TNKS2: variants seen among roughly 807,000 people sequenced by gnomAD.
The protein encoded by TNKS2 is tankyrase 2.
Under a neutral mutation model 137.6 loss-of-function variants are expected in TNKS2, and 72 were observed. The observed-to-expected ratio is 0.52, with a 90% CI of 0.43 to 0.64. The LOEUF (loss-of-function observed/expected upper bound fraction) is 0.64, where lower values mean the gene tolerates loss of function less well. Ranked by LOEUF, TNKS2 falls within the 30% of genes least tolerant of loss-of-function variation. The pLI is 0.00. For missense variants in TNKS2, 1,049 were observed against 1,410.2 expected (o/e 0.74, Z 4.10); for synonymous variants, 516 against 512.1 (o/e 1.01, Z -0.10).
chr10:91,832,397 G>A (rs1184025781), intron 11 of TNKS2, among the ~76,000 whole-genome samples: 4 of 151,836 alleles, frequency 2.6e-5, no homozygotes, highest in African/African-American at 9.7e-5. Flanking sequence ...GACTTTCAGT[G>A]CTAAAACCAG....
rs145689481 is a variant in TNKS2 at position 91,819,539 on chromosome 10, C to T, written c.615C>T (p.His205=). 5.8e-5 allele frequency: 92 copies of T among 1,593,716 alleles called. No individual in the cohort carries two copies. The African/African-American group carries it at 1.0e-3, about 18-fold the overall frequency. Residue 205 remains histidine, a synonymous_variant, in exon 5 of 27, where the codon CAC becomes CAT. Coordinates refer to ENST00000371627, the MANE Select transcript of TNKS2 (RefSeq NM_025235.4). Reference sequence around the variant, plus strand: ...TCACACCATTAAATGTCAACTGCCACGCAAGTGATGGCAGAAAGGTACTTC... The same window carrying T: ...TCACACCATTAAATGTCAACTGCCATGCAAGTGATGGCAGAAAGGTACTTC... ...ALLTPLNVNC[H]ASDGRKSTPL...
In TNKS2 at chr10:91,798,768, A is replaced by C. The variant is rs1844053560; in HGVS notation, c.78A>C (p.Arg26=). Residue 26 remains arginine (R), a synonymous_variant, in exon 1 of 27, where the codon CGA becomes CGC. Coordinates refer to ENST00000371627, the MANE Select transcript of TNKS2 (RefSeq NM_025235.4). The stretch of plus-strand genomic sequence containing the variant: ...CCGAGGCCGTGGAGCCGGCCGCCCG[A>C]GAGCTGTTCGAGGCGTGCCGCAACG... ...AAAEAVEPAA[R]ELFEACRNGD... The C allele has an allele frequency of 7.9e-7, 1 of 1,267,534 alleles. No individual in the cohort carries two copies. Among genetic ancestry groups the C allele is most frequent in the Admixed American group, 4.1e-5 (1 of 24,258 alleles). 78.5% of individuals were successfully genotyped at this position (1,267,534 alleles called of 1,614,324 possible).
chr10:91,856,758 G>A (rs1051751026), intron 23 of TNKS2, among the ~76,000 whole-genome samples: 1 of 152,072 alleles, frequency 6.6e-6, no homozygotes, highest in African/African-American at 2.4e-5. Flanking sequence ...GATTACATCT[G>A]TGGCAATATT....
At chr10:91,831,806 G>A (rs541306960) in intron 11 of TNKS2, among the ~76,000 whole-genome samples, 1 of 152,284 alleles carries the variant, frequency 6.6e-6, no homozygotes, top group African/African-American at 2.4e-5. Context: ...CAGATTGGAA[G>A]AGATGACAGT....
chr10:91,809,071 A>G (rs1033318040), intron 1 of TNKS2, among the ~76,000 whole-genome samples: 3 of 152,196 alleles, frequency 2.0e-5, no homozygotes, highest in African/African-American at 7.2e-5. Flanking sequence ...GATACTCCCA[A>G]TCAAGAAAAT....
Position 91,837,688 on chromosome 10 carries a change from C to T in TNKS2, c.1527+690C>T, listed in dbSNP as rs528809003. ...CAGCCTGGCCAACATGGCGAAACCCCGTCTCTACTAAAGACACAAAAATTA... is the reference window on the plus strand; with the variant it reads ...CAGCCTGGCCAACATGGCGAAACCCTGTCTCTACTAAAGACACAAAAATTA... On this transcript the variant is annotated intron_variant, in intron 13 of 26. Coordinates refer to ENST00000371627, the MANE Select transcript of TNKS2 (RefSeq NM_025235.4). Among the ~76,000 whole-genome samples the T allele has an allele frequency of 7.9e-5, 12 of 152,304 alleles. 1 individual carries two copies. The South Asian group carries it at 2.1e-3, about 26-fold the overall frequency.
Position 91,818,100 on chromosome 10 carries a change from A to G in TNKS2, c.520+871A>G, listed in dbSNP as rs145495113. Reference sequence around the variant, plus strand: ...GTGTGCACTGTTATTGTGACTATCAATCAGTGTTCATTTTCTCCTTCACTA... The same window carrying G: ...GTGTGCACTGTTATTGTGACTATCAGTCAGTGTTCATTTTCTCCTTCACTA... On this transcript the variant is annotated intron_variant, in intron 3 of 26. Transcript: ENST00000371627. Among the ~76,000 whole-genome samples the G allele has an allele frequency of 3.9e-3, 587 of 152,324 alleles. 3 individuals carry two copies. Among genetic ancestry groups the G allele is most frequent in the Non-Finnish European group, 6.0e-3 (408 of 68,020 alleles).
intron 18 of TNKS2, among the ~76,000 whole-genome samples, chr10:91,846,919 A>G (rs955833217): frequency 6.6e-6 from 1 of 152,260 alleles, no homozygotes; most frequent in Non-Finnish European, 1.5e-5. Context: ...CAGGGGCTTT[A>G]GAGTCAGACA....
intron 17 of TNKS2, among the ~76,000 whole-genome samples, chr10:91,845,478 GAAT>G (rs1842342257): frequency 6.6e-6 from 1 of 152,174 alleles, no homozygotes; most frequent in Non-Finnish European, 1.5e-5. Flanking sequence ...TATAACATTT[GAAT>G]AAATTAGAAA....
At chr10:91,842,145 C>CTTT in intron 15 of TNKS2, 27 bp from the exon 16 acceptor site, 2 of 1,550,454 alleles carry the variant, frequency 1.3e-6, no homozygotes, top group Admixed American at 1.7e-5. Flanking sequence ...CCATTTCCCC[C>CTTT]TTTTTTTCTG....
intron 1 of TNKS2, among the ~76,000 whole-genome samples, chr10:91,810,145 G>A (rs1844450376): frequency 1.3e-5 from 2 of 152,128 alleles, no homozygotes; most frequent in Admixed American, 1.3e-4. Context: ...CACTTTGGGA[G>A]GCTGAGGATT....
At position 91,828,320 on chromosome 10, in the gene TNKS2, C is replaced by T. The variant is rs1335464960; in HGVS notation, c.1018C>T (p.Arg340Ter). 1.2e-6 allele frequency: 2 copies of T among 1,604,240 alleles called. No homozygotes were observed. Residue 340 changes from arginine to a stop codon, truncating the protein, a stop_gained, in exon 9 of 27, where the codon CGA (arginine) becomes TGA (stop). Coordinates refer to ENST00000371627, the MANE Select transcript of TNKS2 (RefSeq NM_025235.4). LOFTEE classifies it high-confidence loss of function. Reference protein sequence around the residue: ...FKGHSLLQAAREADVTRIKKH... With the variant: ...FKGHSLLQAA ...AGGCCACTCGTTGCTGCAAGCTGCACGAGAAGCTGATGTTACTCGAATCAA... is the reference window on the plus strand; with the variant it reads ...AGGCCACTCGTTGCTGCAAGCTGCATGAGAAGCTGATGTTACTCGAATCAA...
chr10:91,806,430 G>C (rs1844328292), intron 1 of TNKS2, among the ~76,000 whole-genome samples: 1 of 152,150 alleles, frequency 6.6e-6, no homozygotes, highest in African/African-American at 2.4e-5. Flanking sequence ...TGGAAAATAT[G>C]TAGTAAATAT....
chr10:91,835,571 G>A (rs1371169377), intron 12 of TNKS2, among the ~76,000 whole-genome samples: 1 of 141,102 alleles, frequency 7.1e-6, no homozygotes, highest in Non-Finnish European at 1.5e-5. Flanking sequence ...TTACAGGCAT[G>A]AGCCACCATG....
At position 91,842,215 on chromosome 10, in the gene TNKS2, C is replaced by T; in HGVS notation, c.1883C>T (p.Pro628Leu). The T allele has an allele frequency of 1.2e-6, 2 of 1,613,952 alleles. No individual in the cohort carries two copies. The highest frequency in any genetic ancestry group is 1.7e-6 in the Non-Finnish European group (2 of 1,179,968). Residue 628 changes from proline (P) to leucine (L), a missense_variant, in exon 16 of 27, where the codon CCT becomes CTT. Around this residue, in one of 6 missense-constraint regions of TNKS2, gnomAD observed 328 missense variants for 436.0 expected, o/e 0.75. Coordinates refer to ENST00000371627, the MANE Select transcript of TNKS2 (RefSeq NM_025235.4). ...PTKKNRDGNTPLDLVKDGDTD... is the reference protein window; with the variant it reads ...PTKKNRDGNTLLDLVKDGDTD... ...AAAAAAAACAGGGATGGAAATACTC[C>T]TTTGGATCTTGTTAAAGATGGAGAT...
chr10:91,819,343 T>A (rs1564609804), intron 4 of TNKS2, 37 bp downstream of exon 4: 5 of 1,434,580 alleles, frequency 3.5e-6, no homozygotes, highest in Non-Finnish European at 4.6e-6. Flanking sequence ...ACAGGAATAC[T>A]TCACCATTAA....
chr10:91,798,751 G>T lies in TNKS2; in HGVS notation c.61G>T (p.Val21Leu). The part of the protein sequence containing the change: ...AACASAAAEA[V>L]EPAARELFEA... ...CTGCGCGAGCGCCGCGGCCGAGGCC[G>T]TGGAGCCGGCCGCCCGAGAGCTGTT... Residue 21 changes from valine (V) to leucine (L), a missense_variant, in exon 1 of 27, where the codon GTG becomes TTG. Transcript: ENST00000371627. 8.0e-7 allele frequency: 1 copy of T among 1,251,580 alleles called. No homozygotes were observed. The highest frequency in any genetic ancestry group is 1.5e-5 in the African/African-American group (1 of 64,570). The allele number at this position is 1,251,580 out of a possible 1,614,324, so 77.5% of individuals were successfully genotyped here. A position where few individuals can be genotyped will look rare whatever the true frequency, so the allele number is the denominator to read the frequency against.
chr10:91,820,465 G>A (rs963024745), intron 6 of TNKS2, among the ~76,000 whole-genome samples: 1 of 152,220 alleles, frequency 6.6e-6, no homozygotes, highest in African/African-American at 2.4e-5. Context: ...TGGGATAAGT[G>A]GGGGCTGCTA....
chr10:91,827,416 TTA>T (rs1381868538), intron 8 of TNKS2, among the ~76,000 whole-genome samples: 16 of 152,218 alleles, frequency 1.1e-4, no homozygotes, highest in Non-Finnish European at 5.9e-5. Flanking sequence ...TCAAGTCAAG[TTA>T]TATGCTTTTT....
Sources: allele counts gnomAD v4.1 joint callset (sites outside exome capture counted in the v4.1 genomes callset), GRCh38; gene constraint gnomAD v4.1.1; regional missense constraint gnomAD v4.1.1; transcripts MANE v1.5; gene names NCBI Gene and HGNC (gene_info 2026-07-23, HGNC 2026-07-21).